Variants in MYO3A observed in about 807,000 individuals in gnomAD.
MYO3A encodes myosin IIIA.
MYO3A carries 180 observed loss-of-function variants against 192.7 expected under a neutral mutation model. The observed-to-expected ratio is 0.93, with a 90% CI of 0.83 to 1.06. The LOEUF is 1.06. Ranked by LOEUF, MYO3A falls within the 50% of genes least tolerant of loss-of-function variation. The pLI is 0.00. For missense variants in MYO3A, 1,896 were observed against 1,905.0 expected, an observed-to-expected ratio of 1.00 and a Z score of 0.09; for synonymous variants, 628 against 645.3, an observed-to-expected ratio of 0.97 and a Z score of 0.41.
intron 10 of MYO3A, among the ~76,000 whole-genome samples, chr10:26,051,911 C>T (rs1170343563): frequency 1.3e-5 from 2 of 152,008 alleles, no homozygotes; most frequent in African/African-American, 4.8e-5. Flanking sequence ...TTTATCTGAT[C>T]CTTTACATAA....
rs570206975 is a variant in MYO3A at position 26,122,067 on chromosome 10, T to C, written c.1903+1265T>C. On this transcript the variant is annotated intron_variant, in intron 18 of 34. Coordinates refer to ENST00000642920, the MANE Select transcript of MYO3A (RefSeq NM_017433.5). ...AATTGGCATGTATGATATTAACTTA[T>C]CAGAAGTAGAAAGAATAACCCTACA... Among the ~76,000 whole-genome samples, 27 of 152,290 alleles carry C rather than the reference T, an allele frequency of 1.8e-4. No individual in the cohort carries two copies. The South Asian group carries it at 5.4e-3, about 30-fold the overall frequency.
At chr10:26,148,591 T>C (rs777544610) in intron 23 of MYO3A, among the ~76,000 whole-genome samples, 10 of 152,194 alleles carry the variant, frequency 6.6e-5, no homozygotes, top group Non-Finnish European at 1.2e-4. Flanking sequence ...AATGGGAGAA[T>C]TGGTATCTTC....
chr10:26,067,666 C>T (rs1035801150), intron 11 of MYO3A, among the ~76,000 whole-genome samples: 3 of 131,900 alleles, frequency 2.3e-5, no homozygotes, highest in African/African-American at 7.9e-5. Flanking sequence ...CTAATTATCT[C>T]AGAAGTATTT....
At chr10:26,049,673 CTTTTTTTTTT>C (rs66467075) in intron 10 of MYO3A, among the ~76,000 whole-genome samples, 1 of 69,114 alleles carries the variant, frequency 1.4e-5, no homozygotes, top group Non-Finnish European at 3.0e-5. Flanking sequence ...TTCTTTCTTT[CTTTTTTTTTT>C]TTTTTTTTTT....
chr10:26,197,767 T>C (rs1843482615), intron 32 of MYO3A, among the ~76,000 whole-genome samples: 1 of 152,356 alleles, frequency 6.6e-6, no homozygotes, highest in South Asian at 2.1e-4. Flanking sequence ...GATTTCACCA[T>C]GTTGGCTAGG....
chr10:26,182,931 C>CT (rs1337620327), intron 31 of MYO3A, among the ~76,000 whole-genome samples: 2 of 151,164 alleles, frequency 1.3e-5, no homozygotes, highest in Non-Finnish European at 3.0e-5. Flanking sequence ...GTTTTGATGA[C>CT]TGCTCACATA....
chr10:25,948,032 A>C (rs11014874), intron 2 of MYO3A, among the ~76,000 whole-genome samples: 21,073 of 152,072 alleles, frequency 0.14, 1,813 homozygotes, highest in African/African-American at 0.23. Flanking sequence ...TGCAGGAAGT[A>C]AGACTGGGAT....
At position 26,202,980 on chromosome 10, in the gene MYO3A, G is replaced by T. The variant is rs763672154; in HGVS notation, c.4603G>T (p.Asp1535Tyr). The change falls in exon 34 of 35, where the codon GAT (aspartate) becomes TAT (tyrosine). Residue 1535 changes from aspartate (D) to tyrosine (Y), a missense_variant. Physicochemically the swap from Asp to Tyr is radical, Grantham distance 160. Coordinates refer to ENST00000642920, the MANE Select transcript of MYO3A (RefSeq NM_017433.5). ...CATTTACAGTCAGGGAAAATTATTA[G>T]ATTTGGAAGATTTCTATTATAAGGA... Reference protein sequence around the residue: ...PRKDSQGKLLDLEDFYYKEFL... With the variant: ...PRKDSQGKLLYLEDFYYKEFL... The T allele has an allele frequency of 6.2e-7, 1 of 1,613,620 alleles. No homozygotes were observed. Among genetic ancestry groups the T allele is most frequent in the South Asian group, 1.1e-5 (1 of 91,056 alleles).
intron 12 of MYO3A, among the ~76,000 whole-genome samples, chr10:26,069,441 G>T (rs980000106): frequency 6.6e-6 from 1 of 151,944 alleles, no homozygotes; most frequent in Non-Finnish European, 1.5e-5. Context: ...ATTAAACAAG[G>T]TTGTTTTTCA....
At chr10:26,196,084 AT>A (rs950851802) in intron 32 of MYO3A, among the ~76,000 whole-genome samples, 5 of 152,226 alleles carry the variant, frequency 3.3e-5, no homozygotes, top group Admixed American at 1.3e-4. Flanking sequence ...AATGAAATTG[AT>A]TTTTTTCTAT....
Position 25,997,268 on chromosome 10 carries a change from G to A in MYO3A, c.508+10G>A, listed in dbSNP as rs912005610. 6.3e-6 allele frequency: 10 copies of A among 1,576,312 alleles called. No individual in the cohort carries two copies. In the African/African-American group the frequency reaches 8.1e-5, roughly 13 times the overall value. On this transcript the variant is annotated intron_variant, in intron 6 of 34. Coordinates refer to ENST00000642920, the MANE Select transcript of MYO3A (RefSeq NM_017433.5). ...AAACTAGTAGATTTTGGTAAGTTTT[G>A]TTTAAAATGCATGAGTTTTAACTCC...
At position 26,137,244 on chromosome 10, in the gene MYO3A, C is replaced by G. The variant is rs1249930764; in HGVS notation, c.2263-6204C>G. Among the ~76,000 whole-genome samples, 5 of 152,162 alleles carry G rather than the reference C, an allele frequency of 3.3e-5. No homozygotes were observed. The East Asian group carries it at 9.6e-4, about 29-fold the overall frequency. ...AAATTATTCCAGACATGGGTAATTTCAGAACTTCAACTAAGGAAACAAAGA... is the reference window on the plus strand; with the variant it reads ...AAATTATTCCAGACATGGGTAATTTGAGAACTTCAACTAAGGAAACAAAGA... On this transcript the variant is annotated intron_variant, in intron 20 of 34. Coordinates refer to ENST00000642920, the MANE Select transcript of MYO3A (RefSeq NM_017433.5).
intron 31 of MYO3A, among the ~76,000 whole-genome samples, chr10:26,177,993 G>T (rs1842415061): frequency 6.6e-6 from 1 of 150,404 alleles, no homozygotes; most frequent in Admixed American, 6.6e-5. Flanking sequence ...CATTCCTGCT[G>T]CTCTCCTGCT....
chr10:26,070,056 C>A, intron 12 of MYO3A, 55 bp from the exon 13 acceptor site: 2 of 1,274,558 alleles, frequency 1.6e-6, no homozygotes, highest in South Asian at 1.3e-5. Context: ...GTAAATAATT[C>A]AGGACTTAAA....
intron 33 of MYO3A, among the ~76,000 whole-genome samples, chr10:26,202,053 A>G (rs879714491): frequency 1.3e-5 from 2 of 152,220 alleles, no homozygotes; most frequent in Non-Finnish European, 2.9e-5. Flanking sequence ...TGTTACTTGC[A>G]AGTATAGCAC....
At chr10:26,051,494 A>T (rs1352766525) in intron 10 of MYO3A, among the ~76,000 whole-genome samples, 1 of 149,812 alleles carries the variant, frequency 6.7e-6, no homozygotes, top group Admixed American at 6.7e-5. Context: ...AGTTTTTTAA[A>T]ATAGTTTCAC....
chr10:26,178,759 C>CTAA (rs200246148), intron 31 of MYO3A, among the ~76,000 whole-genome samples: 4,772 of 152,136 alleles, frequency 0.031, 126 homozygotes, highest in Middle Eastern at 0.071. Flanking sequence ...TTTAATACAG[C>CTAA]TAATAACTCT....
At position 26,019,760 on chromosome 10, in the gene MYO3A, A is replaced by G. The variant is rs970618670; in HGVS notation, c.586-1743A>G. Among the ~76,000 whole-genome samples the G allele has an allele frequency of 2.0e-5, 3 of 152,214 alleles. No individual in the cohort carries two copies. The East Asian group carries it at 5.8e-4, about 29-fold the overall frequency. On this transcript the variant is annotated intron_variant, in intron 7 of 34. Transcript: ENST00000642920. The stretch of plus-strand genomic sequence containing the variant: ...TTAGAGTTGAATAATATTCCATTGT[A>G]TGTATAGACCACATTATGTTTATCC...
At chr10:25,940,129 A>T (rs1353749949) in intron 2 of MYO3A, among the ~76,000 whole-genome samples, 1 of 152,002 alleles carries the variant, frequency 6.6e-6, no homozygotes, top group Admixed American at 6.6e-5. Context: ...GTAGTTACCA[A>T]TTTCTGTCTT....
Sources: gnomAD v4.1 joint callset for allele counts (sites outside exome capture counted in the v4.1 genomes callset) on GRCh38, gnomAD v4.1.1 for gene constraint, MANE v1.5 for transcripts, NCBI Gene and HGNC (gene_info 2026-07-23, HGNC 2026-07-21) for gene names.